Variants in AGBL4 observed in about 807,000 individuals in gnomAD.
AGBL4 encodes the protein AGBL carboxypeptidase 4.
AGBL4 carries 58 observed loss-of-function variants against 66.4 expected under a neutral mutation model. That is an observed-to-expected ratio of 0.87 (90% CI 0.71 to 1.09). The LOEUF is 1.09. AGBL4 is among the 50% of genes least tolerant of loss of function. The probability of loss-of-function intolerance (pLI) is 0.00; values close to 1 mark genes in which losing one functional copy is unlikely to be tolerated. For synonymous variants in AGBL4, 234 were observed against 222.9 expected (o/e 1.05, Z -0.44); for missense variants, 579 against 631.0 (o/e 0.92, Z 0.88).
intron 3 of AGBL4, among the ~76,000 whole-genome samples, chr1:49,428,636 T>C (rs549124767): frequency 6.6e-6 from 1 of 152,334 alleles, no homozygotes; most frequent in East Asian, 1.9e-4. Context: ...CAGATTCAGA[T>C]TATTAAGATG....
At chr1:49,778,091 G>A (rs536730264) in intron 2 of AGBL4, among the ~76,000 whole-genome samples, 1 of 152,230 alleles carries the variant, frequency 6.6e-6, no homozygotes, top group Non-Finnish European at 1.5e-5. Flanking sequence ...ATCCAGGCAA[G>A]TACATCTGAG....
At chr1:49,606,682 A>G (rs1254618025) in intron 3 of AGBL4, among the ~76,000 whole-genome samples, 3 of 152,022 alleles carry the variant, frequency 2.0e-5, no homozygotes, top group Non-Finnish European at 4.4e-5. Context: ...TATTATTCCC[A>G]TTTTATACAT....
At chr1:49,475,151 T>C (rs1235651274) in intron 3 of AGBL4, among the ~76,000 whole-genome samples, 1 of 152,076 alleles carries the variant, frequency 6.6e-6, no homozygotes, top group African/African-American at 2.4e-5. Flanking sequence ...CATGCAAGCA[T>C]GTTGGATGTT....
chr1:48,851,566 C>G (rs1054989536), intron 6 of AGBL4, among the ~76,000 whole-genome samples: 1 of 151,966 alleles, frequency 6.6e-6, no homozygotes, highest in African/African-American at 2.4e-5. Context: ...GCCCTTGATA[C>G]AAAAAAGGAA....
chr1:49,738,286 G>A (rs1026275593), intron 2 of AGBL4, among the ~76,000 whole-genome samples: 20 of 152,166 alleles, frequency 1.3e-4, no homozygotes, highest in African/African-American at 3.6e-4. Context: ...GGGGTCCTAC[G>A]CCCACGGAGC....
chr1:49,638,911 G>A (rs1249196005), intron 3 of AGBL4, among the ~76,000 whole-genome samples: 1 of 152,168 alleles, frequency 6.6e-6, no homozygotes, highest in African/African-American at 2.4e-5. Context: ...AAGGCAGGTG[G>A]TTAGGGACCA....
At chr1:49,219,493 A>C (rs992818442) in intron 4 of AGBL4, among the ~76,000 whole-genome samples, 37 of 152,288 alleles carry the variant, frequency 2.4e-4, no homozygotes, top group African/African-American at 7.5e-4. Flanking sequence ...CAAAAAATTT[A>C]TACTATATGG....
intron 4 of AGBL4, among the ~76,000 whole-genome samples, chr1:49,192,846 C>G (rs1647148152): frequency 1.3e-5 from 2 of 152,110 alleles, no homozygotes; most frequent in African/African-American, 4.8e-5. Flanking sequence ...ACACCACAAC[C>G]CAGAGTACCT....
chr1:49,004,821 A>G (rs3121517), intron 5 of AGBL4, among the ~76,000 whole-genome samples: 1 of 151,986 alleles, frequency 6.6e-6, no homozygotes, highest in African/African-American at 2.4e-5. Context: ...AGATGGACCA[A>G]TTGTACAAGG....
chr1:49,354,960 G>A (rs1408434745), intron 3 of AGBL4, among the ~76,000 whole-genome samples: 6 of 152,132 alleles, frequency 3.9e-5, no homozygotes, highest in Non-Finnish European at 8.8e-5. Context: ...CCATTCCACT[G>A]CAGGGCACAC....
intron 5 of AGBL4, among the ~76,000 whole-genome samples, chr1:48,987,439 A>C (rs1660265737): frequency 6.6e-6 from 1 of 152,074 alleles, no homozygotes; most frequent in South Asian, 2.1e-4. Flanking sequence ...TTTCATAATA[A>C]TAAAGGGGTT....
intron 1 of AGBL4, among the ~76,000 whole-genome samples, chr1:49,918,591 T>G (rs545571499): frequency 6.6e-6 from 1 of 152,130 alleles, no homozygotes; most frequent in Non-Finnish European, 1.5e-5. Flanking sequence ...GAGACAATAA[T>G]TAATAGCCTA....
At chr1:48,578,953 G>A (rs1312988483) in intron 11 of AGBL4, among the ~76,000 whole-genome samples, 1 of 152,022 alleles carries the variant, frequency 6.6e-6, no homozygotes, top group Non-Finnish European at 1.5e-5. Flanking sequence ...CACCTTGACT[G>A]TGTACACCAA....
chr1:49,224,837 A>G (rs1334989849), intron 4 of AGBL4, among the ~76,000 whole-genome samples: 1 of 152,090 alleles, frequency 6.6e-6, no homozygotes, highest in East Asian at 1.9e-4. Context: ...TCAAAGGAGA[A>G]AGTGGGGTTG....
chr1:48,820,951 C>T (rs995670652), intron 6 of AGBL4, among the ~76,000 whole-genome samples: 1 of 152,000 alleles, frequency 6.6e-6, no homozygotes, highest in African/African-American at 2.4e-5. Context: ...AGGATGTGAA[C>T]AGATATTTCT....
intron 3 of AGBL4, among the ~76,000 whole-genome samples, chr1:49,340,866 T>C (rs960826880): frequency 1.3e-5 from 2 of 152,222 alleles, no homozygotes; most frequent in Non-Finnish European, 1.5e-5. Flanking sequence ...GATGTCCCAA[T>C]ATCTTAAGAA....
At chr1:49,876,972 T>C (rs1267937660) in intron 1 of AGBL4, among the ~76,000 whole-genome samples, 1 of 151,630 alleles carries the variant, frequency 6.6e-6, no homozygotes, top group Non-Finnish European at 1.5e-5. Context: ...CTGTTGTTGG[T>C]GTATAGGAAT....
intron 3 of AGBL4, among the ~76,000 whole-genome samples, chr1:49,591,311 T>C (rs930730804): frequency 6.6e-6 from 1 of 150,874 alleles, no homozygotes; most frequent in African/African-American, 2.4e-5. Flanking sequence ...ATTATCACAA[T>C]GGGGAATGAA....
At chr1:49,251,912 C>A (rs1462589490) in intron 3 of AGBL4, among the ~76,000 whole-genome samples, 1 of 152,094 alleles carries the variant, frequency 6.6e-6, no homozygotes, top group African/African-American at 2.4e-5. Flanking sequence ...TAAAAAAAAT[C>A]CAAAGGTCAA....
Sources: gnomAD v4.1 joint callset for allele counts (sites outside exome capture counted in the v4.1 genomes callset) on GRCh38, gnomAD v4.1.1 for gene constraint, MANE v1.5 for transcripts, NCBI Gene and HGNC (gene_info 2026-07-23, HGNC 2026-07-21) for gene names.